Variants in GAD2 observed in about 807,000 individuals in gnomAD.
The protein encoded by GAD2 is 65 kDa glutamic acid decarboxylase.
Under a neutral mutation model 80.1 loss-of-function variants are expected in GAD2, and 22 were observed. The observed-to-expected ratio is 0.27, with a 90% CI of 0.20 to 0.39. The LOEUF is 0.39. Among genes scored for constraint, GAD2 ranks in the 10% least tolerant of loss-of-function variants. The pLI, the probability that GAD2 is intolerant of heterozygous loss-of-function variation, is 1.00. For synonymous variants in GAD2, 274 were observed against 256.9 expected (o/e 1.07, Z -0.64); for missense variants, 624 against 738.4 (o/e 0.85, Z 1.80).
chr10:26,279,124 C>T (rs1421728183), intron 11 of GAD2, among the ~76,000 whole-genome samples: 5 of 152,072 alleles, frequency 3.3e-5, no homozygotes, highest in Admixed American at 3.3e-4. Flanking sequence ...TAGAGGCTCA[C>T]CTTACCCAGT....
At chr10:26,265,244 G>T (rs61839370) in intron 8 of GAD2, among the ~76,000 whole-genome samples, 55 of 141,930 alleles carry the variant, frequency 3.9e-4, no homozygotes, top group African/African-American at 1.2e-3. Flanking sequence ...TCACTCTGTC[G>T]CCAGGCTGGA....
At chr10:26,227,129 A>T (rs922243060) in intron 6 of GAD2, among the ~76,000 whole-genome samples, 3 of 152,136 alleles carry the variant, frequency 2.0e-5, no homozygotes, top group Non-Finnish European at 4.4e-5. Flanking sequence ...AGTAGCTGGG[A>T]TTACAGGCAT....
intron 8 of GAD2, among the ~76,000 whole-genome samples, chr10:26,248,819 A>G (rs1844842657): frequency 6.6e-6 from 1 of 152,248 alleles, no homozygotes; most frequent in South Asian, 2.1e-4. Context: ...AGAAAAAAAA[A>G]TGGTGTTATT....
At position 26,273,625 on chromosome 10, in the gene GAD2, T is replaced by C. The variant is rs750030821; in HGVS notation, c.1093-11T>C. On this transcript the variant is annotated splice_polypyrimidine_tract_variant and intron_variant, in intron 10 of 15. Transcript: ENST00000376261. Reference sequence around the variant, plus strand: ...AACTGCTACCATTTTCCTCATATGATTTTTTTTCAGGCAGCTTGGGGTGGG... The same window carrying C: ...AACTGCTACCATTTTCCTCATATGACTTTTTTTCAGGCAGCTTGGGGTGGG... 6.2e-7 allele frequency: 1 copy of C among 1,607,944 alleles called. No homozygotes were observed. The highest frequency in any genetic ancestry group is 2.2e-5 in the East Asian group (1 of 44,722).
At chr10:26,236,873 T>G (rs1209808107) in intron 7 of GAD2, among the ~76,000 whole-genome samples, 1 of 152,164 alleles carries the variant, frequency 6.6e-6, no homozygotes, top group African/African-American at 2.4e-5. Context: ...GCTCCCATGT[T>G]ATTTTCTCCT....
chr10:26,268,549 T>G (rs551602671), intron 8 of GAD2, among the ~76,000 whole-genome samples: 4 of 152,318 alleles, frequency 2.6e-5, no homozygotes, highest in African/African-American at 9.6e-5. Context: ...TGTGTTTTTA[T>G]TTTAGGAAAG....
intron 10 of GAD2, among the ~76,000 whole-genome samples, chr10:26,271,562 G>A (rs376083942): frequency 7.2e-5 from 11 of 152,236 alleles, no homozygotes; most frequent in South Asian, 2.1e-4. Flanking sequence ...CAAACTAAGC[G>A]CAATGCTTGG....
intron 7 of GAD2, among the ~76,000 whole-genome samples, chr10:26,232,876 T>G (rs1418110950): frequency 6.6e-6 from 1 of 152,224 alleles, no homozygotes; most frequent in Non-Finnish European, 1.5e-5. Context: ...CTCCTTCTTG[T>G]GTCTCTATCT....
At chr10:26,285,392 G>A (rs1354456217) in intron 12 of GAD2, among the ~76,000 whole-genome samples, 1 of 152,144 alleles carries the variant, frequency 6.6e-6, no homozygotes, top group Non-Finnish European at 1.5e-5. Flanking sequence ...AGTCACAAAA[G>A]AAACAAAACC....
chr10:26,297,542 C>T (rs768859971), intron 15 of GAD2, among the ~76,000 whole-genome samples: 1 of 152,144 alleles, frequency 6.6e-6, no homozygotes, highest in African/African-American at 2.4e-5. Context: ...ATACCTTTAG[C>T]GAATTCTTCA....
At position 26,292,948 on chromosome 10, in the gene GAD2, G is replaced by T. The variant is rs777588143; in HGVS notation, c.1541G>T (p.Arg514Leu). The T allele has an allele frequency of 6.2e-7, 1 of 1,613,844 alleles. No individual in the cohort carries two copies. The highest frequency in any genetic ancestry group is 2.2e-5 in the East Asian group (1 of 44,878). Residue 514 changes from arginine to leucine, a missense_variant, in exon 15 of 16, where the codon CGT becomes CTT. Physicochemically the swap from Arg to Leu is moderately radical, Grantham distance 102 (BLOSUM62 -2). Coordinates refer to ENST00000376261, the MANE Select transcript of GAD2 (RefSeq NM_001134366.2). ...VCFWYIPPSLRTLEDNEERMS... is the reference protein window; with the variant it reads ...VCFWYIPPSLLTLEDNEERMS... ...TTCTGGTACATTCCTCCAAGCTTGC[G>T]TACTCTGGAAGACAATGAAGAGAGA...
chr10:26,274,440 G>A (rs892836550), intron 11 of GAD2, among the ~76,000 whole-genome samples: 1 of 152,202 alleles, frequency 6.6e-6, no homozygotes, highest in African/African-American at 2.4e-5. Flanking sequence ...GGGGAGCCCA[G>A]TTCTCTCATC....
intron 7 of GAD2, among the ~76,000 whole-genome samples, chr10:26,236,960 C>G (rs1307233695): frequency 6.6e-6 from 1 of 152,214 alleles, no homozygotes; most frequent in African/African-American, 2.4e-5. Context: ...GGTAAGACCT[C>G]CCCATTGCCT....
intron 8 of GAD2, among the ~76,000 whole-genome samples, chr10:26,268,467 CAAAAAA>C (rs398045927): frequency 9.1e-4 from 85 of 93,616 alleles, no homozygotes; most frequent in Non-Finnish European, 1.8e-3. Context: ...GACTCTGTCT[CAAAAAA>C]AAAAAAAAAA....
At chr10:26,281,394 C>A (rs8190750) in intron 12 of GAD2, among the ~76,000 whole-genome samples, 10,506 of 152,136 alleles carry the variant, frequency 0.069, 452 homozygotes, top group Non-Finnish European at 0.098. Flanking sequence ...TGTCACTCTC[C>A]CAAAAAATTA....
At chr10:26,235,093 C>A (rs1426844995) in intron 7 of GAD2, among the ~76,000 whole-genome samples, 4 of 152,152 alleles carry the variant, frequency 2.6e-5, no homozygotes. Context: ...AGGCTGGTCT[C>A]GAACTCCTGA....
In GAD2 at chr10:26,216,959, C is replaced by G. The variant is rs1238676840; in HGVS notation, c.76+74C>G. On this transcript the variant is annotated intron_variant, in intron 1 of 15. Transcript: ENST00000376261. This position sits in a 1 kb window ranked among gnomAD's most constrained non-coding sequence, Gnocchi z 4.7. ...GGGGTTTGCGGAACTACGGAGAAGA[C>G]GAAGGAGGTTTTTCCACCTGCAACA... 7.5e-7 allele frequency: 1 copy of G among 1,338,900 alleles called. No individual in the cohort carries two copies. The highest frequency in any genetic ancestry group is 1.5e-5 in the African/African-American group (1 of 66,448). 82.9% of individuals were successfully genotyped at this position (1,338,900 alleles called of 1,614,324 possible).
chr10:26,289,050 T>G (rs1169323696), intron 13 of GAD2, among the ~76,000 whole-genome samples: 2 of 152,152 alleles, frequency 1.3e-5, no homozygotes, highest in Non-Finnish European at 2.9e-5. Flanking sequence ...AAAACTTCCA[T>G]TTTGTTTTTC....
chr10:26,292,725 C>T (rs750040206), intron 14 of GAD2, among the ~76,000 whole-genome samples, 153 bp downstream of exon 14: 10 of 152,270 alleles, frequency 6.6e-5, no homozygotes, highest in South Asian at 2.1e-4. Flanking sequence ...GGAATAAAGA[C>T]GAAACTCTCA....
Sources: allele counts gnomAD v4.1 joint callset (sites outside exome capture counted in the v4.1 genomes callset), GRCh38; gene constraint gnomAD v4.1.1; non-coding constraint Gnocchi (gnomAD v3.1); transcripts MANE v1.5; gene names NCBI Gene and HGNC (gene_info 2026-07-23, HGNC 2026-07-21).